Variants in DACH2 observed in about 807,000 individuals in gnomAD.
The protein encoded by DACH2 is dachshund family transcription factor 2.
A neutral mutation model predicts 35.8 loss-of-function variants in DACH2; 17 were observed. The ratio of observed to expected loss-of-function variants is 0.48; its 90% CI spans 0.33 to 0.71. The LOEUF is 0.71. Ranked by LOEUF, DACH2 falls within the 30% of genes least tolerant of loss-of-function variation. The pLI is 0.02. For synonymous variants in DACH2, 195 were observed against 177.3 expected (o/e 1.10, Z -0.79); for missense variants, 469 against 472.7 (o/e 0.99, Z 0.07).
At chrX:86,316,842 G>T (rs767270402) in intron 1 of DACH2, among the ~76,000 whole-genome samples, 1 of 111,237 alleles carries the variant, frequency 9.0e-6, no homozygotes, top group Non-Finnish European at 1.9e-5. Context: ...GTCCAAGGCT[G>T]GGCACGGTGC....
At chrX:86,778,012 A>G (rs1228210648) in intron 7 of DACH2, among the ~76,000 whole-genome samples, 2 of 111,788 alleles carry the variant, frequency 1.8e-5, no homozygotes, top group Non-Finnish European at 3.8e-5. Context: ...GTGTACAAAG[A>G]CATCAAAAGT....
At chrX:86,633,494 C>A (rs765904147) in intron 3 of DACH2, among the ~76,000 whole-genome samples, 3 of 111,441 alleles carry the variant, frequency 2.7e-5, no homozygotes, top group Non-Finnish European at 3.8e-5. Flanking sequence ...AATCCTGGGA[C>A]TAGATAAATT....
chrX:86,471,623 T>C (rs1345035753), intron 2 of DACH2, among the ~76,000 whole-genome samples: 1 of 111,339 alleles, frequency 9.0e-6, no homozygotes, highest in East Asian at 2.8e-4. Flanking sequence ...GTGTTTTTCC[T>C]GAAATAGAGA....
Position 86,708,458 on chromosome X carries a change from T to A in DACH2, c.932-6090T>A, listed in dbSNP as rs2041243669. On this transcript the variant is annotated intron_variant, in intron 5 of 11. Coordinates refer to ENST00000373125, the MANE Select transcript of DACH2 (RefSeq NM_053281.3). Reference sequence around the variant, plus strand: ...AAGGTTGCAGGATACAAAATTAATGTACAAAATCAACTGCTTTCTTGTATA... The same window carrying A: ...AAGGTTGCAGGATACAAAATTAATGAACAAAATCAACTGCTTTCTTGTATA... Among the ~76,000 whole-genome samples, 3 of 111,672 alleles carry A rather than the reference T, an allele frequency of 2.7e-5. No homozygotes were observed. In the South Asian group the frequency reaches 1.1e-3, roughly 41 times the overall value.
At chrX:86,288,609 C>G (rs1258107809) in intron 1 of DACH2, among the ~76,000 whole-genome samples, 1 of 112,032 alleles carries the variant, frequency 8.9e-6, no homozygotes, top group Non-Finnish European at 1.9e-5. Flanking sequence ...AAGACAGAGT[C>G]CTTTTCACTC....
At chrX:86,753,080 A>C (rs868777677) in intron 7 of DACH2, among the ~76,000 whole-genome samples, 34 of 104,332 alleles carry the variant, frequency 3.3e-4, no homozygotes, top group Non-Finnish European at 4.8e-4. Context: ...ACACACATAC[A>C]CCCCGACACA....
intron 7 of DACH2, among the ~76,000 whole-genome samples, chrX:86,797,546 G>A (rs2042251089): frequency 9.0e-6 from 1 of 111,058 alleles, no homozygotes; most frequent in South Asian, 3.7e-4. Flanking sequence ...CATTCCATAT[G>A]GATCCGTAAA....
chrX:86,607,489 C>T (rs756563785), intron 3 of DACH2, among the ~76,000 whole-genome samples: 1 of 111,393 alleles, frequency 9.0e-6, no homozygotes, highest in African/African-American at 3.3e-5. Context: ...TAATAAAACT[C>T]CACATCTTAA....
intron 1 of DACH2, among the ~76,000 whole-genome samples, chrX:86,168,380 A>T (rs766893757): frequency 9.0e-6 from 1 of 111,096 alleles, no homozygotes; most frequent in African/African-American, 3.3e-5. Context: ...GTTTCCATTG[A>T]CATGGAATAT....
At chrX:86,695,300 A>G (rs1444453801) in intron 5 of DACH2, 121 bp downstream of exon 5, 1 of 546,997 alleles carries the variant, frequency 1.8e-6, no homozygotes, top group Non-Finnish European at 2.6e-6. Flanking sequence ...ACAATTTAAT[A>G]TCAGAAGGGG....
intron 7 of DACH2, among the ~76,000 whole-genome samples, chrX:86,770,145 C>T (rs1374183069): frequency 1.0e-5 from 1 of 98,245 alleles, no homozygotes; most frequent in Non-Finnish European, 2.0e-5. Flanking sequence ...AGACATTCAT[C>T]AATGATGTAA....
At chrX:86,364,803 A>G (rs2035784061) in intron 1 of DACH2, among the ~76,000 whole-genome samples, 1 of 111,639 alleles carries the variant, frequency 9.0e-6, no homozygotes, top group Non-Finnish European at 1.9e-5. Context: ...ACCCTTTGGC[A>G]TGAGAACTGA....
chrX:86,777,208 T>G (rs1328235870), intron 7 of DACH2, among the ~76,000 whole-genome samples: 2 of 81,536 alleles, frequency 2.5e-5, no homozygotes, highest in Non-Finnish European at 4.9e-5. Context: ...CCACCAACAG[T>G]GTAAAAGTGT....
intron 3 of DACH2, among the ~76,000 whole-genome samples, chrX:86,602,257 A>G (rs2039799475): frequency 8.9e-6 from 1 of 112,095 alleles, no homozygotes; most frequent in East Asian, 2.8e-4. Flanking sequence ...GCCAATAAGA[A>G]GATATTTTTG....
chrX:86,766,431 C>G (rs768817650), intron 7 of DACH2, among the ~76,000 whole-genome samples: 22 of 111,719 alleles, frequency 2.0e-4, no homozygotes, highest in Non-Finnish European at 3.2e-4. Context: ...TTCAAGCTAA[C>G]AGCGTGATGT....
At chrX:86,248,462 A>T (rs1367013253) in intron 1 of DACH2, among the ~76,000 whole-genome samples, 1 of 111,211 alleles carries the variant, frequency 9.0e-6, no homozygotes, top group East Asian at 2.8e-4. Flanking sequence ...AAGAAAGAAA[A>T]ATATACCTAG....
At chrX:86,796,243 G>A (rs1311542823) in intron 7 of DACH2, among the ~76,000 whole-genome samples, 1 of 111,330 alleles carries the variant, frequency 9.0e-6, no homozygotes, top group Non-Finnish European at 1.9e-5. Context: ...GCTGATTGGT[G>A]CGTTTACAAA....
intron 4 of DACH2, among the ~76,000 whole-genome samples, chrX:86,665,140 A>G (rs756952625): frequency 5.3e-5 from 6 of 112,254 alleles, no homozygotes; most frequent in Non-Finnish European, 1.1e-4. Context: ...ATTTAAGCAC[A>G]TCAGCATGCC....
intron 7 of DACH2, among the ~76,000 whole-genome samples, chrX:86,802,036 T>C (rs1466328349): frequency 8.9e-6 from 1 of 112,192 alleles, no homozygotes; most frequent in East Asian, 2.8e-4. Context: ...ATCCTTAAAA[T>C]TAGGTATCAT....
Sources: allele counts gnomAD v4.1 joint callset (sites outside exome capture counted in the v4.1 genomes callset), GRCh38; gene constraint gnomAD v4.1.1; transcripts MANE v1.5; gene names NCBI Gene and HGNC (gene_info 2026-07-23, HGNC 2026-07-21).